Variants in PDE4D observed in about 807,000 individuals in gnomAD.
PDE4D encodes the protein 3',5'-cyclic-AMP phosphodiesterase 4D.
Under a neutral mutation model 87.4 loss-of-function variants are expected in PDE4D, and 24 were observed. The ratio of observed to expected loss-of-function variants is 0.27; its 90% CI spans 0.20 to 0.39. The LOEUF (loss-of-function observed/expected upper bound fraction) is 0.39, where lower values mean the gene tolerates loss of function less well. Among genes scored for constraint, PDE4D ranks in the 10% least tolerant of loss-of-function variants. The pLI, the probability that PDE4D is intolerant of heterozygous loss-of-function variation, is 1.00. For synonymous variants in PDE4D, 384 were observed against 383.2 expected (o/e 1.00, Z -0.02); for missense variants, 714 against 1,041.0 (o/e 0.69, Z 4.32).
chr5:60,249,513 C>T (rs1748185303), intron 1 of PDE4D, among the ~76,000 whole-genome samples: 1 of 151,964 alleles, frequency 6.6e-6, no homozygotes, highest in South Asian at 2.1e-4. Flanking sequence ...AACATGTAGC[C>T]TGCATGCAAT....
chr5:59,635,921 A>G (rs1187032713), intron 1 of PDE4D, among the ~76,000 whole-genome samples: 2 of 152,176 alleles, frequency 1.3e-5, no homozygotes, highest in African/African-American at 4.8e-5. Context: ...AATATATTCA[A>G]ATAGGAAGAG....
intron 1 of PDE4D, among the ~76,000 whole-genome samples, chr5:59,387,369 C>G (rs1178859959): frequency 6.6e-6 from 1 of 151,972 alleles, no homozygotes; most frequent in Non-Finnish European, 1.5e-5. Flanking sequence ...TTGGGAAATA[C>G]TAACCTAGGT....
At chr5:60,045,012 C>T in intron 2 of PDE4D, among the ~76,000 whole-genome samples, 1 of 152,204 alleles carries the variant, frequency 6.6e-6, no homozygotes, top group East Asian at 1.9e-4. Flanking sequence ...TTATCCACAT[C>T]CTCTCCAGCA....
chr5:60,330,824 C>T lies in PDE4D; in HGVS notation c.-89-145137G>A, dbSNP rs114712057. On this transcript the variant is annotated intron_variant, in intron 1 of 16. Transcript: ENST00000502484. Reference sequence around the variant, plus strand: ...TAGCCAGAACATTTGCAGCAATTTACTAAACTGACAAATGGAGAGATAAGC... The same window carrying T: ...TAGCCAGAACATTTGCAGCAATTTATTAAACTGACAAATGGAGAGATAAGC... 6.0e-3 allele frequency among the ~76,000 whole-genome samples: 914 copies of T among 152,276 alleles called. 8 individuals carry two copies. Among genetic ancestry groups the T allele is most frequent in the African/African-American group, 0.02 (815 of 41,536 alleles).
At chr5:60,108,522 A>G (rs1777297511) in intron 2 of PDE4D, among the ~76,000 whole-genome samples, 1 of 152,216 alleles carries the variant, frequency 6.6e-6, no homozygotes, top group Non-Finnish European at 1.5e-5. Context: ...TAAAGTTCAT[A>G]TGGAACCAAA....
At chr5:60,369,536 G>A (rs1339542266) in intron 1 of PDE4D, among the ~76,000 whole-genome samples, 1 of 152,180 alleles carries the variant, frequency 6.6e-6, no homozygotes, top group African/African-American at 2.4e-5. Flanking sequence ...GCAGAGAGAG[G>A]CGGGATGCAG....
chr5:59,627,370 GTTCCAAA>G (rs1269057697), intron 1 of PDE4D, among the ~76,000 whole-genome samples: 1 of 152,164 alleles, frequency 6.6e-6, no homozygotes, highest in East Asian at 1.9e-4. Context: ...ATTTAAAAAT[GTTCCAAA>G]TTCTAGGGTT....
intron 2 of PDE4D, among the ~76,000 whole-genome samples, chr5:60,102,428 T>G (rs933438472): frequency 2.6e-5 from 4 of 151,998 alleles, no homozygotes; most frequent in Non-Finnish European, 5.9e-5. Context: ...GCTGGCAATA[T>G]GAGTTGGGGA....
chr5:60,068,975 T>C (rs1275176922), intron 2 of PDE4D, among the ~76,000 whole-genome samples: 1 of 152,244 alleles, frequency 6.6e-6, no homozygotes, highest in African/African-American at 2.4e-5. Flanking sequence ...AGTAGTTTTA[T>C]AGTCTTGGTC....
chr5:59,994,556 A>G (rs1256010993), intron 2 of PDE4D, among the ~76,000 whole-genome samples: 2 of 152,072 alleles, frequency 1.3e-5, no homozygotes, highest in Admixed American at 1.3e-4. Context: ...GGGTCTGTGT[A>G]TGTGCCACTT....
chr5:59,779,000 T>C (rs1473189931), intron 1 of PDE4D, among the ~76,000 whole-genome samples: 1 of 151,992 alleles, frequency 6.6e-6, no homozygotes, highest in Non-Finnish European at 1.5e-5. Flanking sequence ...ACCGTTTCTA[T>C]TAAAATACAA....
At chr5:59,202,932 T>G (rs2216699) in intron 2 of PDE4D, among the ~76,000 whole-genome samples, 19,842 of 152,198 alleles carry the variant, frequency 0.13, 2,037 homozygotes, top group African/African-American at 0.28. Flanking sequence ...TATTTAGTTT[T>G]CTGAAATTTA....
At chr5:59,363,945 C>T (rs1057356335) in intron 1 of PDE4D, among the ~76,000 whole-genome samples, 2 of 152,196 alleles carry the variant, frequency 1.3e-5, no homozygotes, top group African/African-American at 2.4e-5. Flanking sequence ...GCATTGTGCA[C>T]TGCCCTGCAC....
rs115769436 is a variant in PDE4D, at chr5:60,470,666, C to T, written c.-90+17276G>A. On this transcript the variant is annotated intron_variant, in intron 1 of 16. Transcript: ENST00000502484. Reference sequence around the variant, plus strand: ...AAAATCCTTAAGCCCTTAAGAATTACGCTATATCAACTCTGCCTGTGCTCC... The same window carrying T: ...AAAATCCTTAAGCCCTTAAGAATTATGCTATATCAACTCTGCCTGTGCTCC... Among the ~76,000 whole-genome samples the T allele has an allele frequency of 3.8e-3, 585 of 152,230 alleles. 4 individuals are homozygous for T. Among genetic ancestry groups the T allele is most frequent in the African/African-American group, 0.014 (571 of 41,544 alleles).
chr5:59,120,786 G>A (rs13176997), intron 5 of PDE4D, among the ~76,000 whole-genome samples: 106,667 of 152,050 alleles, frequency 0.7, 39,144 homozygotes, highest in Non-Finnish European at 0.81. Context: ...ATGTTACAAC[G>A]CTATAGTAAC....
At chr5:60,043,436 A>C (rs747752515) in intron 2 of PDE4D, among the ~76,000 whole-genome samples, 15 of 152,188 alleles carry the variant, frequency 9.9e-5, no homozygotes, top group Non-Finnish European at 1.5e-4. Flanking sequence ...AATTCAGGAA[A>C]TACAGAGAAC....
chr5:60,367,087 G>A (rs1760615528), intron 1 of PDE4D, among the ~76,000 whole-genome samples: 1 of 152,104 alleles, frequency 6.6e-6, no homozygotes, highest in African/African-American at 2.4e-5. Flanking sequence ...TCTCTTTGGA[G>A]AACCAATTTT....
intron 1 of PDE4D, chr5:59,768,223 C>T: frequency 1.3e-6 from 2 of 1,594,404 alleles, no homozygotes; most frequent in Non-Finnish European, 1.7e-6. Flanking sequence ...GCCACCATTT[C>T]TGCGAGGTCT....
chr5:59,912,464 A>T (rs1753556236), intron 3 of PDE4D, among the ~76,000 whole-genome samples: 1 of 152,240 alleles, frequency 6.6e-6, no homozygotes, highest in Non-Finnish European at 1.5e-5. Flanking sequence ...ATTATCAACA[A>T]ATTAATTGTA....
Sources: allele counts gnomAD v4.1 joint callset (sites outside exome capture counted in the v4.1 genomes callset), GRCh38; gene constraint gnomAD v4.1.1; transcripts MANE v1.5; gene names NCBI Gene and HGNC (gene_info 2026-07-23, HGNC 2026-07-21).